Variants in AQP7B observed in about 807,000 individuals in gnomAD.
AQP7B encodes aquaporin 7B.
At chr2:94,602,471 C>T in the AQP7B span, 2 of 1,597,952 alleles carry the variant, frequency 1.3e-6, no homozygotes, top group East Asian at 2.2e-5. Context: ...AGGCAGCCCC[C>T]TTAGAGGCCC....
chr2:94,587,330 AC>A, the AQP7B span: 1 of 153,254 alleles, frequency 6.5e-6, no homozygotes, highest in African/African-American at 2.4e-5. Flanking sequence ...AGGGACAGTC[AC>A]GGAGGAAGAA....
chr2:94,594,821 G>A, the AQP7B span: 1 of 1,561,108 alleles, frequency 6.4e-7, no homozygotes, highest in Admixed American at 1.7e-5. Context: ...GAAGATGAGA[G>A]GAAGATGGTG....
At chr2:94,602,385 C>T in the AQP7B span, 1 of 1,194,948 alleles carries the variant, frequency 8.4e-7, no homozygotes, top group Non-Finnish European at 1.2e-6. Context: ...CAGGCAATGC[C>T]AGGGAGGCCC....
chr2:94,599,322 C>T, the AQP7B span, among the ~76,000 whole-genome samples: 5 of 152,242 alleles, frequency 3.3e-5, no homozygotes, highest in Non-Finnish European at 5.9e-5. Flanking sequence ...GCTCTGGGCT[C>T]CCCTGCTTCT....
the AQP7B span, among the ~76,000 whole-genome samples, chr2:94,593,294 G>A: frequency 6.6e-6 from 1 of 151,724 alleles, no homozygotes; most frequent in Non-Finnish European, 1.5e-5. Flanking sequence ...CCTCTGGGGA[G>A]GCAGGAGACC....
the AQP7B span, among the ~76,000 whole-genome samples, chr2:94,600,527 C>T: frequency 1.2e-4 from 18 of 152,044 alleles, no homozygotes; most frequent in African/African-American, 2.4e-5. Context: ...AGGCCAGGAG[C>T]TCAAGACCAG....
At chr2:94,588,712 A>G in the AQP7B span, among the ~76,000 whole-genome samples, 2 of 150,748 alleles carry the variant, frequency 1.3e-5, no homozygotes, top group African/African-American at 4.9e-5. Context: ...GAAGAAAAGC[A>G]TCTTCCACCT....
chr2:94,589,812 A>G, the AQP7B span, among the ~76,000 whole-genome samples: 13 of 151,918 alleles, frequency 8.6e-5, no homozygotes, highest in Admixed American at 2.6e-4. Flanking sequence ...CTCTTGGCTC[A>G]GTCAGGGGTC....
chr2:94,599,429 T>A, the AQP7B span, among the ~76,000 whole-genome samples: 27 of 152,238 alleles, frequency 1.8e-4, no homozygotes, highest in Middle Eastern at 3.4e-3. Flanking sequence ...TCCCCAAAGC[T>A]GCTCTGTACT....
chr2:94,590,281 C>A, the AQP7B span, among the ~76,000 whole-genome samples: 1 of 152,198 alleles, frequency 6.6e-6, no homozygotes, highest in South Asian at 2.1e-4. Flanking sequence ...TTCTTGGGCT[C>A]AAGTGATTCT....
chr2:94,594,467 T>G, the AQP7B span, among the ~76,000 whole-genome samples: 1,007 of 152,324 alleles, frequency 6.6e-3, 9 homozygotes, highest in Non-Finnish European at 0.012. Context: ...AGCTCCCCAC[T>G]TGCCCGTCTG....
chr2:94,601,998 C>A, the AQP7B span, among the ~76,000 whole-genome samples: 1 of 149,396 alleles, frequency 6.7e-6, no homozygotes, highest in Non-Finnish European at 1.5e-5. Context: ...ACTGTTCCAG[C>A]ATTGTGGGAA....
At chr2:94,602,081 T>C in the AQP7B span, among the ~76,000 whole-genome samples, 11 of 149,194 alleles carry the variant, frequency 7.4e-5, no homozygotes, top group South Asian at 4.3e-4. Context: ...CAGAGTCAGG[T>C]GTGGATGGAT....
chr2:94,601,431 A>G, the AQP7B span, among the ~76,000 whole-genome samples: 1 of 152,226 alleles, frequency 6.6e-6, no homozygotes, highest in African/African-American at 2.4e-5. Context: ...GCTCCCCCAC[A>G]GAGGTGACGG....
the AQP7B span, among the ~76,000 whole-genome samples, chr2:94,593,445 C>T: frequency 6.7e-6 from 1 of 149,360 alleles, no homozygotes; most frequent in African/African-American, 2.5e-5. Flanking sequence ...GTGACTAAGG[C>T]CACACTTAGA....
At chr2:94,592,451 G>T in the AQP7B span, among the ~76,000 whole-genome samples, 6 of 152,068 alleles carry the variant, frequency 3.9e-5, no homozygotes, top group South Asian at 1.2e-3. Flanking sequence ...GCAGAGTTGC[G>T]TGGATATTCC....
At chr2:94,592,220 C>T in the AQP7B span, among the ~76,000 whole-genome samples, 7 of 152,072 alleles carry the variant, frequency 4.6e-5, no homozygotes, top group African/African-American at 7.2e-5. Flanking sequence ...AGGGTCACCT[C>T]GCCCTGCTAG....
chr2:94,593,977 G>A, the AQP7B span, among the ~76,000 whole-genome samples: 4 of 152,314 alleles, frequency 2.6e-5, no homozygotes, highest in East Asian at 7.7e-4. Flanking sequence ...CTAGTTGAGA[G>A]TAAGACAGAT....
chr2:94,595,136 G>A, the AQP7B span, among the ~76,000 whole-genome samples: 3 of 151,940 alleles, frequency 2.0e-5, no homozygotes, highest in Non-Finnish European at 4.4e-5. Flanking sequence ...GAAACCCAGA[G>A]TAAAGATATT....
Sources: gnomAD v4.1 joint callset for allele counts (sites outside exome capture counted in the v4.1 genomes callset) on GRCh38, gnomAD v4.1.1 for gene constraint, MANE v1.5 for transcripts, NCBI Gene and HGNC (gene_info 2026-07-23, HGNC 2026-07-21) for gene names.